SPATA31D1: variants seen among roughly 807,000 people sequenced by gnomAD.
SPATA31D1 encodes the protein SPATA31 subfamily D member 1, also known as spermatogenesis-associated protein 31D1.
In SPATA31D1, 6 loss-of-function variants were observed where a neutral mutation model predicts 13.2. The ratio of observed to expected loss-of-function variants is 0.46; its 90% confidence interval spans 0.25 to 0.90. SPATA31D1 has a LOEUF of 0.90. SPATA31D1 is among the 40% of genes least tolerant of loss of function. The probability of loss-of-function intolerance (pLI) is 0.18; values close to 1 mark genes in which losing one functional copy is unlikely to be tolerated. For missense variants in SPATA31D1, 2,445 were observed against 1,884.7 expected (o/e 1.30, Z -5.50); for synonymous variants, 903 against 718.8 (o/e 1.26, Z -4.10).
rs369935725 is a variant in SPATA31D1, at chr9:81,993,821, A to G, written c.3351A>G (p.Ile1117Met). 5.8e-5 allele frequency: 93 copies of G among 1,613,904 alleles called. No homozygotes were observed. Among genetic ancestry groups the G allele is most frequent in the Non-Finnish European group, 7.6e-5 (90 of 1,179,896 alleles). ...LASRCSAELPIMQAGAGCESW... is the reference protein window; with the variant it reads ...LASRCSAELPMMQAGAGCESW... ...GTAGATGCAGCGCAGAGCTGCCCATAATGCAAGCTGGAGCTGGCTGTGAGT... is the reference window on the plus strand; with the variant it reads ...GTAGATGCAGCGCAGAGCTGCCCATGATGCAAGCTGGAGCTGGCTGTGAGT... Residue 1117 changes from isoleucine (I) to methionine (M), a missense_variant, in exon 4 of 4, where the codon ATA (isoleucine) becomes ATG (methionine). Physicochemically the swap from Ile to Met is conservative, Grantham distance 10 (BLOSUM62 1). Transcript: ENST00000344803.
Position 81,992,483 on chromosome 9 carries a change from C to T in SPATA31D1, c.2013C>T (p.Ser671=), listed in dbSNP as rs1189408343. The change falls in exon 4 of 4, where the codon TCC becomes TCT. Residue 671 remains serine, a synonymous_variant. Coordinates refer to ENST00000344803, the MANE Select transcript of SPATA31D1 (RefSeq NM_001001670.3). ...CCTTCAAGGTCCATGTTCCGATCTC[C>T]ATCATTCCTGGAGATTTTCCACTCA... ...RKSFKVHVPI[S]IIPGDFPLSS... The T allele has an allele frequency of 1.9e-6, 3 of 1,611,944 alleles. No individual in the cohort carries two copies. Among genetic ancestry groups the T allele is most frequent in the Non-Finnish European group, 2.5e-6 (3 of 1,179,734 alleles).
Position 81,991,008 on chromosome 9 carries a change from C to T in SPATA31D1, c.538C>T (p.Pro180Ser). ...TCTGGCTTCCACCCCCTCAGCAACC[C>T]CTCCAGAAGACCTAATACTGTCCCC... ...FTLASTPSAT[P>S]PEDLILSPRP... The change falls in exon 4 of 4, where the codon CCT becomes TCT. Residue 180 changes from proline (P) to serine (S), a missense_variant. Physicochemically the swap from Pro to Ser is moderately conservative, Grantham distance 74. Transcript: ENST00000344803. 1 of 1,613,730 alleles carries T rather than the reference C, an allele frequency of 6.2e-7. No individual in the cohort carries two copies. Among genetic ancestry groups the T allele is most frequent in the Non-Finnish European group, 8.5e-7 (1 of 1,179,726 alleles).
Position 81,992,174 on chromosome 9 carries a change from C to G in SPATA31D1, c.1704C>G (p.Pro568=). The part of the protein sequence containing the change: ...TQPLPLPQTL[P]QGQSPHLTQV... The stretch of plus-strand genomic sequence containing the variant: ...CACTACCCTTGCCTCAAACCCTGCC[C>G]CAAGGTCAGTCCCCACATCTCACTC... Residue 568 remains proline, a synonymous_variant, in exon 4 of 4, where the codon CCC becomes CCG. Transcript: ENST00000344803. 1 of 1,613,788 alleles carries G rather than the reference C, an allele frequency of 6.2e-7. No homozygotes were observed. The highest frequency in any genetic ancestry group is 8.5e-7 in the Non-Finnish European group (1 of 1,179,726).
At position 81,993,297 on chromosome 9, in the gene SPATA31D1, G is replaced by C; in HGVS notation, c.2827G>C (p.Asp943His). Residue 943 changes from aspartate (D) to histidine (H), a missense_variant, in exon 4 of 4, where the codon GAC becomes CAC. Physicochemically the swap from Asp to His is moderately conservative, Grantham distance 81. Coordinates refer to ENST00000344803, the MANE Select transcript of SPATA31D1 (RefSeq NM_001001670.3). ...ADLSTSFSHF[D>H]LPSSATFISQ... is the part of the protein sequence containing the mutation. ...CCTTTCCACTTCCTTTTCCCATTTC[G>C]ACCTTCCCTCCTCAGCCACCTTCAT... 18 of 1,613,758 alleles carry C rather than the reference G, an allele frequency of 1.1e-5. No homozygotes were observed. The highest frequency in any genetic ancestry group is 1.4e-5 in the Non-Finnish European group (17 of 1,179,874).
rs747027613 is a variant in SPATA31D1 at position 81,991,451 on chromosome 9, G to C, written c.981G>C (p.Met327Ile). The C allele has an allele frequency of 5.6e-6, 9 of 1,614,028 alleles. No individual in the cohort carries two copies. The highest frequency in any genetic ancestry group is 6.8e-6 in the Non-Finnish European group (8 of 1,179,900). The part of the protein sequence containing the change: ...SLTILKTFPE[M>I]LSLGGSGGSS... Reference sequence around the variant, plus strand: ...CCATCTTGAAGACTTTTCCGGAAATGTTATCTCTAGGTGGCTCTGGTGGGT... The same window carrying C: ...CCATCTTGAAGACTTTTCCGGAAATCTTATCTCTAGGTGGCTCTGGTGGGT... Residue 327 changes from methionine to isoleucine, a missense_variant, in exon 4 of 4, where the codon ATG (methionine) becomes ATC (isoleucine). Physicochemically the swap from Met to Ile is conservative, Grantham distance 10 (BLOSUM62 1). Coordinates refer to ENST00000344803, the MANE Select transcript of SPATA31D1 (RefSeq NM_001001670.3).
At position 81,991,842 on chromosome 9, in the gene SPATA31D1, A is replaced by G. The variant is rs1435526356; in HGVS notation, c.1372A>G (p.Ile458Val). 3 of 1,613,780 alleles carry G rather than the reference A, an allele frequency of 1.9e-6. No homozygotes were observed. Among genetic ancestry groups the G allele is most frequent in the Non-Finnish European group, 2.5e-6 (3 of 1,179,714 alleles). The change falls in exon 4 of 4, where the codon ATT becomes GTT. Residue 458 changes from isoleucine (I) to valine (V), a missense_variant. Physicochemically the swap from Ile to Val is conservative, Grantham distance 29 (BLOSUM62 3). Coordinates refer to ENST00000344803, the MANE Select transcript of SPATA31D1 (RefSeq NM_001001670.3). ...LNSSRNMLTSIAVKHDLAESF... is the reference protein window; with the variant it reads ...LNSSRNMLTSVAVKHDLAESF... ...TTCCTCACGGAATATGTTAACCTCA[A>G]TTGCTGTTAAGCATGACTTGGCAGA...
chr9:81,988,747 A>T (rs1391821737), upstream of SPATA31D1: 4 of 1,607,678 alleles, frequency 2.5e-6, no homozygotes, highest in Non-Finnish European at 3.4e-6. Flanking sequence ...TCTGTGATGC[A>T]GGCCTGTGCT....
chr9:81,993,595 C>T lies in SPATA31D1; in HGVS notation c.3125C>T (p.Ser1042Leu), dbSNP rs371575578. ...FQSEKLDSTSSFPILGHSYLV... is the reference protein window; with the variant it reads ...FQSEKLDSTSLFPILGHSYLV... ...AGCGAAAAATTAGATTCAACAAGCT[C>T]ATTCCCCATCCTCGGTCATTCTTAC... The change falls in exon 4 of 4, where the codon TCA (serine) becomes TTA (leucine). Residue 1042 changes from serine to leucine, a missense_variant. By Grantham distance (145) the Ser-to-Leu change is moderately radical. Coordinates refer to ENST00000344803, the MANE Select transcript of SPATA31D1 (RefSeq NM_001001670.3). 2.5e-6 allele frequency: 4 copies of T among 1,613,944 alleles called. No homozygotes were observed. The highest frequency in any genetic ancestry group is 1.7e-5 in the Admixed American group (1 of 60,004).
rs1249026291 is a variant in SPATA31D1, at chr9:81,991,894, G to A, written c.1424G>A (p.Gly475Asp). The A allele has an allele frequency of 4.3e-6, 7 of 1,613,568 alleles. No individual in the cohort carries two copies. The highest frequency in any genetic ancestry group is 1.3e-5 in the African/African-American group (1 of 74,856). The change falls in exon 4 of 4, where the codon GGC becomes GAC. Residue 475 changes from glycine to aspartate, a missense_variant. Transcript: ENST00000344803. ...AESFPFWASK[G>D]KLEWQHIHQQ... ...TCCTTTCCTTTTTGGGCCAGTAAAG[G>A]CAAACTAGAATGGCAGCACATCCAT...
chr9:81,992,661 C>A lies in SPATA31D1; in HGVS notation c.2191C>A (p.Pro731Thr). The A allele has an allele frequency of 6.2e-7, 1 of 1,613,808 alleles. No individual in the cohort carries two copies. Among genetic ancestry groups the A allele is most frequent in the Non-Finnish European group, 8.5e-7 (1 of 1,179,730 alleles). Residue 731 changes from proline to threonine, a missense_variant, in exon 4 of 4, where the codon CCG becomes ACG. Transcript: ENST00000344803. ...ELSVSERIHG[P>T]LNISLVEGQR... ...ATCTGTGTCAGAGAGAATTCATGGA[C>A]CGTTAAATATCTCTTTGGTTGAGGG...
At position 81,995,000 on chromosome 9, in the gene SPATA31D1, G is replaced by T. The variant is rs751426053; in HGVS notation, c.4530G>T (p.Leu1510=). ...QKVEAFKGKI[L]CQSHPQSMPH... ...TTGAGGCATTTAAGGGGAAGATACT[G>T]TGTCAAAGCCATCCCCAATCCATGC... The change falls in exon 4 of 4, where the codon CTG becomes CTT. Residue 1510 remains leucine (L), a synonymous_variant. Transcript: ENST00000344803. The T allele has an allele frequency of 3.7e-6, 6 of 1,613,868 alleles. No homozygotes were observed. Among genetic ancestry groups the T allele is most frequent in the African/African-American group, 2.7e-5 (2 of 74,936 alleles).
At position 81,995,043 on chromosome 9, in the gene SPATA31D1, C is replaced by T; in HGVS notation, c.4573C>T (p.Pro1525Ser). The T allele has an allele frequency of 3.1e-6, 5 of 1,613,826 alleles. No individual in the cohort carries two copies. Among genetic ancestry groups the T allele is most frequent in the Non-Finnish European group, 4.2e-6 (5 of 1,179,806 alleles). The change falls in exon 4 of 4, where the codon CCA (proline) becomes TCA (serine). Residue 1525 changes from proline (P) to serine (S), a missense_variant. By Grantham distance (74) the Pro-to-Ser change is moderately conservative. Coordinates refer to ENST00000344803, the MANE Select transcript of SPATA31D1 (RefSeq NM_001001670.3). ...PQSMPHRKPV[P>S]HPNPTCRRQV... is the part of the protein sequence containing the mutation. ...ATCCATGCCCCACAGGAAGCCTGTGCCACATCCAAACCCCACTTGCCGGCG... is the reference window on the plus strand; with the variant it reads ...ATCCATGCCCCACAGGAAGCCTGTGTCACATCCAAACCCCACTTGCCGGCG...
Position 81,995,014 on chromosome 9 carries a change from C to T in SPATA31D1, c.4544C>T (p.Pro1515Leu), listed in dbSNP as rs1270707319. The change falls in exon 4 of 4, where the codon CCC (proline) becomes CTC (leucine). Residue 1515 changes from proline to leucine, a missense_variant. Transcript: ENST00000344803. ...GGGAAGATACTGTGTCAAAGCCATC[C>T]CCAATCCATGCCCCACAGGAAGCCT... Reference protein sequence around the residue: ...FKGKILCQSHPQSMPHRKPVP... With the variant: ...FKGKILCQSHLQSMPHRKPVP... The T allele has an allele frequency of 1.9e-6, 3 of 1,613,924 alleles. No homozygotes were observed. Among genetic ancestry groups the T allele is most frequent in the South Asian group, 2.2e-5 (2 of 91,062 alleles).
upstream of SPATA31D1, among the ~76,000 whole-genome samples, chr9:81,987,813 C>A (rs2133433705): frequency 6.6e-6 from 1 of 152,118 alleles, no homozygotes; most frequent in African/African-American, 2.4e-5. Context: ...CAATAACTTA[C>A]TAAAATGCCA....
chr9:81,993,435 GTC>G lies in SPATA31D1; in HGVS notation c.2968_2969del (p.Ser990LeufsTer17), dbSNP rs755044907. On this transcript the variant is annotated frameshift_variant, in exon 4 of 4. Transcript: ENST00000344803. LOFTEE classifies it low-confidence loss of function (END_TRUNC). ...CCCCATCCTTGATCGTCCTCACCCT[GTC>G]TCCTCACCTGTCGTCCAAGAAGGGC... ...SVPILDRPHPVSSPVVQEGQG... is the reference protein window; with the variant it reads ...SVPILDRPHPXSSPVVQEGQG... 3 of 1,613,730 alleles carry G rather than the reference GTC, an allele frequency of 1.9e-6. No homozygotes were observed. In the Admixed American group the frequency reaches 5.0e-5, roughly 27 times the overall value.
rs376354119 is a variant in SPATA31D1 at position 81,993,320 on chromosome 9, C to T, written c.2850C>T (p.Phe950=). 3.7e-5 allele frequency: 60 copies of T among 1,613,866 alleles called. No individual in the cohort carries two copies. The highest frequency in any genetic ancestry group is 4.9e-5 in the Non-Finnish European group (58 of 1,179,892). The part of the protein sequence containing the change: ...SHFDLPSSAT[F]ISQGDSKDGV... Reference sequence around the variant, plus strand: ...TCGACCTTCCCTCCTCAGCCACCTTCATCTCTCAGGGAGATTCCAAAGATG... The same window carrying T: ...TCGACCTTCCCTCCTCAGCCACCTTTATCTCTCAGGGAGATTCCAAAGATG... The change falls in exon 4 of 4, where the codon TTC becomes TTT. Residue 950 remains phenylalanine (F), a synonymous_variant. Coordinates refer to ENST00000344803, the MANE Select transcript of SPATA31D1 (RefSeq NM_001001670.3).
chr9:81,988,653 T>G, upstream of SPATA31D1: 2 of 1,085,364 alleles, frequency 1.8e-6, no homozygotes, highest in Non-Finnish European at 2.6e-6. Flanking sequence ...GAGAGTCAGC[T>G]GGGCTGGTGG....
In SPATA31D1 at chr9:81,993,467, G is replaced by A. The variant is rs373013522; in HGVS notation, c.2997G>A (p.Gly999=). The part of the protein sequence containing the change: ...VSSPVVQEGQ[G]TLRRQFSDTD... ...CACCTGTCGTCCAAGAAGGGCAGGGGACCCTGAGAAGACAATTTTCTGATA... is the reference window on the plus strand; with the variant it reads ...CACCTGTCGTCCAAGAAGGGCAGGGAACCCTGAGAAGACAATTTTCTGATA... The change falls in exon 4 of 4, where the codon GGG becomes GGA. Residue 999 remains glycine (G), a synonymous_variant. Coordinates refer to ENST00000344803, the MANE Select transcript of SPATA31D1 (RefSeq NM_001001670.3). The A allele has an allele frequency of 1.1e-5, 18 of 1,613,706 alleles. No individual in the cohort carries two copies. Among genetic ancestry groups the A allele is most frequent in the Admixed American group, 8.3e-5 (5 of 59,986 alleles).
At chr9:81,989,724 TAG>T in intron 1 of SPATA31D1, 52 bp from the exon 2 acceptor site, 5 of 1,587,874 alleles carry the variant, frequency 3.1e-6, no homozygotes, top group Non-Finnish European at 4.3e-6. Flanking sequence ...ATGAGCTTCA[TAG>T]AGAGTGAGAG....
Sources: allele counts gnomAD v4.1 joint callset (sites outside exome capture counted in the v4.1 genomes callset), GRCh38; gene constraint gnomAD v4.1.1; transcripts MANE v1.5; gene names NCBI Gene and HGNC (gene_info 2026-07-23, HGNC 2026-07-21).